SORCS3: variants seen among roughly 807,000 people sequenced by gnomAD.
The protein encoded by SORCS3 is VPS10 domain-containing receptor SorCS3.
In SORCS3, 57 loss-of-function variants were observed where a neutral mutation model predicts 146.3. The observed-to-expected ratio is 0.39, with a 90% CI of 0.31 to 0.49. The LOEUF is 0.49. Ranked by LOEUF, SORCS3 falls within the 20% of genes least tolerant of loss-of-function variation. The pLI is 0.92. For synonymous variants in SORCS3, 653 were observed against 618.5 expected (o/e 1.06, Z -0.83); for missense variants, 1,341 against 1,575.5 (o/e 0.85, Z 2.52).
intron 1 of SORCS3, among the ~76,000 whole-genome samples, chr10:104,795,238 A>G (rs1320530651): frequency 6.6e-6 from 1 of 152,214 alleles, no homozygotes; most frequent in Admixed American, 6.5e-5. Flanking sequence ...GGTTCCTCCT[A>G]TATATAGAAT....
At chr10:104,643,119 AC>A (rs2015447315) in intron 1 of SORCS3, among the ~76,000 whole-genome samples, 1 of 152,170 alleles carries the variant, frequency 6.6e-6, no homozygotes, top group Non-Finnish European at 1.5e-5. Flanking sequence ...TCAGATCAGA[AC>A]CTGGCGTTGG....
At chr10:105,086,951 T>C in intron 5 of SORCS3, among the ~76,000 whole-genome samples, 1 of 152,224 alleles carries the variant, frequency 6.6e-6, no homozygotes, top group East Asian at 1.9e-4. Flanking sequence ...TTTGTTGCAA[T>C]TGCTTTTGGT....
chr10:104,976,165 A>G (rs984328461), intron 3 of SORCS3, among the ~76,000 whole-genome samples: 5 of 152,236 alleles, frequency 3.3e-5, no homozygotes, highest in African/African-American at 1.2e-4. Context: ...TACTCATCTG[A>G]CAAAGGGCTA....
At chr10:105,123,259 C>A (rs530116483) in intron 7 of SORCS3, among the ~76,000 whole-genome samples, 1 of 152,180 alleles carries the variant, frequency 6.6e-6, no homozygotes, top group African/African-American at 2.4e-5. Context: ...TTCAAAGCAG[C>A]GGACTGTATG....
intron 1 of SORCS3, among the ~76,000 whole-genome samples, chr10:104,696,040 A>C (rs1328413347): frequency 8.8e-6 from 1 of 113,046 alleles, no homozygotes; most frequent in African/African-American, 3.5e-5. Context: ...TATAATATAT[A>C]ATATATATCA....
At chr10:105,164,170 A>G (rs1252683698) in intron 11 of SORCS3, 133 bp from the exon 12 acceptor site, 4 of 678,470 alleles carry the variant, frequency 5.9e-6, no homozygotes, top group African/African-American at 3.6e-5. Context: ...ATATGACACC[A>G]GAAAAGAAAC....
chr10:105,145,177 C>T (rs2119461054), intron 8 of SORCS3, among the ~76,000 whole-genome samples: 1 of 152,152 alleles, frequency 6.6e-6, no homozygotes, highest in Non-Finnish European at 1.5e-5. Flanking sequence ...TTGATGCACA[C>T]CAAAGTTATA....
At chr10:104,891,288 G>C (rs1218214095) in intron 2 of SORCS3, among the ~76,000 whole-genome samples, 1 of 152,164 alleles carries the variant, frequency 6.6e-6, no homozygotes, top group Non-Finnish European at 1.5e-5. Context: ...TTCTTTTTCT[G>C]ATGTTGGGTA....
chr10:104,971,500 C>G (rs759309587), intron 3 of SORCS3, among the ~76,000 whole-genome samples: 2 of 152,164 alleles, frequency 1.3e-5, no homozygotes, highest in African/African-American at 4.8e-5. Flanking sequence ...GCTCATGGAG[C>G]TAGGGTATAC....
intron 25 of SORCS3, among the ~76,000 whole-genome samples, chr10:105,262,034 T>C (rs1015286086): frequency 2.0e-5 from 3 of 152,214 alleles, no homozygotes; most frequent in Non-Finnish European, 4.4e-5. Context: ...TAAATATTTA[T>C]AGGGTTTTAT....
chr10:105,008,509 T>A (rs1019252588), intron 4 of SORCS3, among the ~76,000 whole-genome samples: 35 of 152,216 alleles, frequency 2.3e-4, no homozygotes, highest in African/African-American at 8.4e-4. Flanking sequence ...TTTTGTTGCA[T>A]TGACTCATGA....
At position 104,883,484 on chromosome 10, in the gene SORCS3, A is replaced by C. The variant is rs777797926; in HGVS notation, c.696-32349A>C. On this transcript the variant is annotated intron_variant, in intron 2 of 26. Transcript: ENST00000369701. ...CTGGGAATGGAAGAAAGATAAAGAA[A>C]ACTCTGAAATATGTACTTTTAAAGG... is the stretch of plus-strand genomic sequence containing the variant. Among the ~76,000 whole-genome samples the C allele has an allele frequency of 7.9e-5, 12 of 152,266 alleles. No homozygotes were observed. The Middle Eastern group carries it at 0.01, about 130-fold the overall frequency.
chr10:105,024,075 G>A (rs1211172905), intron 4 of SORCS3, among the ~76,000 whole-genome samples: 1 of 152,146 alleles, frequency 6.6e-6, no homozygotes, highest in African/African-American at 2.4e-5. Flanking sequence ...ATTTGATTTT[G>A]TCATGGAAAC....
In SORCS3 at chr10:105,026,335, C is replaced by G. The variant is rs76710643; in HGVS notation, c.955-16720C>G. Among the ~76,000 whole-genome samples the G allele has an allele frequency of 0.013, 1,952 of 152,328 alleles. 80 individuals carry two copies. In the East Asian group the frequency reaches 0.15, roughly 11 times the overall value. On this transcript the variant is annotated intron_variant, in intron 4 of 26. Transcript: ENST00000369701. ...CACTCTGTGGGTTCCCCACTTTCTGCTCCACAGAGTTGCCCGTGATCTTTA... is the reference window on the plus strand; with the variant it reads ...CACTCTGTGGGTTCCCCACTTTCTGGTCCACAGAGTTGCCCGTGATCTTTA...
At chr10:105,082,131 A>C (rs1006075128) in intron 5 of SORCS3, among the ~76,000 whole-genome samples, 1 of 152,246 alleles carries the variant, frequency 6.6e-6, no homozygotes, top group Admixed American at 6.5e-5. Context: ...AAGGAGGAAT[A>C]AAGGTAATTT....
Position 105,201,273 on chromosome 10 carries a change from A to G in SORCS3, c.2261+20A>G, listed in dbSNP as rs948783592. ...CGAGTGGTGAGTTGTTTGGCATTTC[A>G]TTACCAATTCCAACCAGGTCTTCAC... is the stretch of plus-strand genomic sequence containing the variant. On this transcript the variant is annotated intron_variant, in intron 16 of 26. Coordinates refer to ENST00000369701, the MANE Select transcript of SORCS3 (RefSeq NM_014978.3). 6.3e-7 allele frequency: 1 copy of G among 1,596,954 alleles called. No individual in the cohort carries two copies. Among genetic ancestry groups the G allele is most frequent in the Non-Finnish European group, 8.5e-7 (1 of 1,173,120 alleles).
intron 1 of SORCS3, among the ~76,000 whole-genome samples, chr10:104,652,754 A>G (rs1307162737): frequency 6.6e-6 from 1 of 152,222 alleles, no homozygotes; most frequent in Non-Finnish European, 1.5e-5. Context: ...CATTTGCCCC[A>G]GGTTGTGACC....
chr10:104,650,253 G>A (rs576381295), intron 1 of SORCS3, among the ~76,000 whole-genome samples: 20 of 152,292 alleles, frequency 1.3e-4, no homozygotes, highest in African/African-American at 4.6e-4. Flanking sequence ...TGGAACCTGA[G>A]AGCCCTACAT....
intron 1 of SORCS3, among the ~76,000 whole-genome samples, chr10:104,817,354 C>A (rs920450711): frequency 1.5e-5 from 2 of 136,266 alleles, no homozygotes; most frequent in Admixed American, 1.4e-4. Context: ...CCTCCTCCCC[C>A]CTCTTCCACC....
Sources: allele counts gnomAD v4.1 joint callset (sites outside exome capture counted in the v4.1 genomes callset), GRCh38; gene constraint gnomAD v4.1.1; transcripts MANE v1.5; gene names NCBI Gene and HGNC (gene_info 2026-07-23, HGNC 2026-07-21).